LRIG2: variants seen among roughly 807,000 people sequenced by gnomAD.
LRIG2 encodes the protein leucine-rich repeats and immunoglobulin-like domains protein 2.
Under a neutral mutation model 107.8 loss-of-function variants are expected in LRIG2, and 93 were observed. The ratio of observed to expected loss-of-function variants is 0.86; its 90% CI spans 0.73 to 1.03. LRIG2 has a LOEUF of 1.03. LRIG2 is among the 50% of genes least tolerant of loss of function. The pLI is 0.00. For missense variants in LRIG2, 1,226 were observed against 1,296.0 expected (o/e 0.95, Z 0.83); for synonymous variants, 471 against 470.6 (o/e 1.00, Z -0.01).
intron 11 of LRIG2, among the ~76,000 whole-genome samples, chr1:113,105,548 ATGT>A (rs1434976023): frequency 6.6e-6 from 1 of 152,198 alleles, no homozygotes; most frequent in Non-Finnish European, 1.5e-5. Context: ...ATTTTAATAA[ATGT>A]TGACCTAAAA....
At chr1:113,093,877 T>C (rs1302466852) in intron 4 of LRIG2, among the ~76,000 whole-genome samples, 1 of 152,250 alleles carries the variant, frequency 6.6e-6, no homozygotes, top group Non-Finnish European at 1.5e-5. Flanking sequence ...TATATGCATA[T>C]GTGAGACAAA....
At position 113,124,293 on chromosome 1, in the gene LRIG2, A is replaced by G; in HGVS notation, c.*192A>G. ...GAAGAAATGGCAACAGCTGACAGAA[A>G]TGGGTACAGCTCATCAAAAATGTGC... On this transcript the variant is annotated 3_prime_UTR_variant, in exon 18 of 18. Transcript: ENST00000361127. 1.7e-6 allele frequency: 1 copy of G among 602,772 alleles called. No homozygotes were observed. The highest frequency in any genetic ancestry group is 2.9e-6 in the Non-Finnish European group (1 of 340,374). The allele number at this position is 602,772 out of a possible 1,614,324, so 37.3% of individuals were successfully genotyped here. A position where few individuals can be genotyped will look rare whatever the true frequency, so the allele number is the denominator to read the frequency against.
chr1:113,094,847 G>C, intron 6 of LRIG2, 92 bp downstream of exon 6: 1 of 1,244,254 alleles, frequency 8.0e-7, no homozygotes, highest in Non-Finnish European at 1.1e-6. Context: ...TCTGATTATA[G>C]AGATACATTC....
At position 113,123,517 on chromosome 1, in the gene LRIG2, T is replaced by C. The variant is rs142346195; in HGVS notation, c.2972-358T>C. On this transcript the variant is annotated intron_variant, in intron 17 of 17. Coordinates refer to ENST00000361127, the MANE Select transcript of LRIG2 (RefSeq NM_014813.3). Reference sequence around the variant, plus strand: ...TGAACCCGGGAGGCGGAGGTTGCGGTGAGCCGAGATGACGCCATTGCACTC... The same window carrying C: ...TGAACCCGGGAGGCGGAGGTTGCGGCGAGCCGAGATGACGCCATTGCACTC... Among the ~76,000 whole-genome samples the C allele has an allele frequency of 1.9e-3, 296 of 152,306 alleles. 8 individuals are homozygous for C. In the East Asian group the frequency reaches 0.049, roughly 25 times the overall value.
At chr1:113,098,991 C>T (rs536599706) in intron 9 of LRIG2, among the ~76,000 whole-genome samples, 4 of 152,002 alleles carry the variant, frequency 2.6e-5, no homozygotes, top group East Asian at 1.9e-4. Context: ...GATGCAGTGG[C>T]ACGATCTCGG....
rs893015707 is a variant in LRIG2, at chr1:113,129,401, C to G, written c.*5300C>G. 2 of 151,094 alleles carry G rather than the reference C, an allele frequency of 1.3e-5. No homozygotes were observed. The highest frequency in any genetic ancestry group is 2.9e-5 in the Non-Finnish European group (2 of 67,910). 9.4% of individuals were successfully genotyped at this position (151,094 alleles called of 1,614,324 possible). On this transcript the variant is annotated 3_prime_UTR_variant, in exon 18 of 18. Coordinates refer to ENST00000361127, the MANE Select transcript of LRIG2 (RefSeq NM_014813.3). ...GACAGTGCTGTCAGAGTCTGGTCTC[C>G]TAAAGAGCCAGGTCATTTTCCATTG...
intron 11 of LRIG2, among the ~76,000 whole-genome samples, chr1:113,105,822 A>G (rs1654515259): frequency 6.6e-6 from 1 of 152,200 alleles, no homozygotes; most frequent in Non-Finnish European, 1.5e-5. Flanking sequence ...TACTCAATGA[A>G]ACTTGTTAAA....
intron 17 of LRIG2, among the ~76,000 whole-genome samples, chr1:113,122,788 C>A (rs1021647189): frequency 6.6e-6 from 1 of 152,200 alleles, no homozygotes; most frequent in Non-Finnish European, 1.5e-5. Flanking sequence ...CAGAGCAGAT[C>A]TAGCAAATCA....
Position 113,130,624 on chromosome 1 carries a change from A to G in LRIG2, c.*6523A>G, listed in dbSNP as rs1321884973. 6.6e-6 allele frequency: 1 copy of G among 152,214 alleles called. No individual in the cohort carries two copies. The highest frequency in any genetic ancestry group is 1.5e-5 in the Non-Finnish European group (1 of 68,038). 9.4% of individuals were successfully genotyped at this position (152,214 alleles called of 1,614,324 possible). A position where few individuals can be genotyped will look rare whatever the true frequency, so the allele number is the denominator to read the frequency against. On this transcript the variant is annotated 3_prime_UTR_variant, in exon 18 of 18. Transcript: ENST00000361127. Reference sequence around the variant, plus strand: ...TAAGAGATTTCTTCATTGAGATGGAATATGGGCAAGATGACCTTTAAGGTC... The same window carrying G: ...TAAGAGATTTCTTCATTGAGATGGAGTATGGGCAAGATGACCTTTAAGGTC...
At chr1:113,091,271 T>G in intron 1 of LRIG2, 47 bp from the exon 2 acceptor site, 1 of 1,238,176 alleles carries the variant, frequency 8.1e-7, no homozygotes, top group Non-Finnish European at 1.1e-6. Context: ...TTTCTTTAGG[T>G]CTACTTTCCA....
chr1:113,107,506 G>A lies in LRIG2; in HGVS notation c.1314-88G>A, dbSNP rs1306861232. 34 of 1,204,092 alleles carry A rather than the reference G, an allele frequency of 2.8e-5. No individual in the cohort carries two copies. In the South Asian group the frequency reaches 5.0e-4, roughly 18 times the overall value. The allele number at this position is 1,204,092 out of a possible 1,614,324, so 74.6% of individuals were successfully genotyped here. On this transcript the variant is annotated intron_variant, in intron 11 of 17. Coordinates refer to ENST00000361127, the MANE Select transcript of LRIG2 (RefSeq NM_014813.3). ...GTTAAATGTTTTTGGCAAGAATAAT[G>A]GATAGGTGTGTGGTAAGGTTTTAAT...
chr1:113,117,517 T>G (rs1023715008), intron 16 of LRIG2, among the ~76,000 whole-genome samples: 1 of 152,218 alleles, frequency 6.6e-6, no homozygotes, highest in African/African-American at 2.4e-5. Context: ...AGCGTCTCAT[T>G]CTGTTACCCA....
intron 14 of LRIG2, 116 bp downstream of exon 14, chr1:113,112,876 T>C (rs1654834424): frequency 9.7e-7 from 1 of 1,026,488 alleles, no homozygotes; most frequent in Admixed American, 2.8e-5. Flanking sequence ...TAGATCTTTA[T>C]CTTATTTCAC....
At position 113,116,349 on chromosome 1, in the gene LRIG2, C is replaced by G. The variant is rs890424340; in HGVS notation, c.2593C>G (p.Pro865Ala). Reference sequence around the variant, plus strand: ...GTCTTCCCAAGGAACGCTGTCTGAGCCACAGGAAGGCTACAGCAACTCTGA... The same window carrying G: ...GTCTTCCCAAGGAACGCTGTCTGAGGCACAGGAAGGCTACAGCAACTCTGA... ...YLSSQGTLSE[P>A]QEGYSNSEAG... Residue 865 changes from proline to alanine, a missense_variant, in exon 16 of 18, where the codon CCA becomes GCA. By Grantham distance (27) the Pro-to-Ala change is conservative. Coordinates refer to ENST00000361127, the MANE Select transcript of LRIG2 (RefSeq NM_014813.3). The G allele has an allele frequency of 2.5e-6, 4 of 1,613,864 alleles. No homozygotes were observed. The highest frequency in any genetic ancestry group is 2.7e-5 in the African/African-American group (2 of 74,928).
Position 113,124,242 on chromosome 1 carries a change from A to G in LRIG2, c.*141A>G, listed in dbSNP as rs1029375931. 4.1e-6 allele frequency: 3 copies of G among 728,376 alleles called. No homozygotes were observed. Among genetic ancestry groups the G allele is most frequent in the Admixed American group, 5.1e-5 (2 of 39,356 alleles). The allele number at this position is 728,376 out of a possible 1,614,324, so 45.1% of individuals were successfully genotyped here. ...GCATCTGACCGCACCAAGGTGGGCC[A>G]TGCGTTGTTTGGTCTTATACCTGAT... On this transcript the variant is annotated 3_prime_UTR_variant, in exon 18 of 18. Transcript: ENST00000361127.
intron 11 of LRIG2, 123 bp from the exon 12 acceptor site, chr1:113,107,471 C>T (rs1037696702): frequency 6.8e-6 from 6 of 879,968 alleles, no homozygotes; most frequent in Non-Finnish European, 9.9e-6. Flanking sequence ...TTTGTTTTCT[C>T]ATGATTTATG....
rs2101077221 is a variant in LRIG2, at chr1:113,125,958, T to A, written c.*1857T>A. The A allele has an allele frequency of 6.6e-6, 1 of 152,324 alleles. No homozygotes were observed. Among genetic ancestry groups the A allele is most frequent in the African/African-American group, 2.4e-5 (1 of 41,568 alleles). The allele number at this position is 152,324 out of a possible 1,614,324, so 9.4% of individuals were successfully genotyped here. On this transcript the variant is annotated 3_prime_UTR_variant, in exon 18 of 18. Transcript: ENST00000361127. The stretch of plus-strand genomic sequence containing the variant: ...TTCTAAAGTGACTGTTGTTTGGTGT[T>A]GGAGATGTTAACTGGGTTCTATTAG...
rs202093071 is a variant in LRIG2 at position 113,114,748 on chromosome 1, A to G, written c.2402A>G (p.Asp801Gly). The stretch of plus-strand genomic sequence containing the variant: ...CAGAGTAGCATTGGGCATGAAGATG[A>G]TGGCTGGACCACAGTTGGCATTGTC... ...SSQSSIGHED[D>G]GWTTVGIVII... is the part of the protein sequence containing the mutation. Residue 801 changes from aspartate (D) to glycine (G), a missense_variant, in exon 15 of 18, where the codon GAT becomes GGT. Transcript: ENST00000361127. 2.5e-6 allele frequency: 4 copies of G among 1,614,082 alleles called. No individual in the cohort carries two copies. In the Admixed American group the frequency reaches 6.7e-5, roughly 27 times the overall value.
chr1:113,097,323 A>G (rs1452335780), intron 8 of LRIG2, among the ~76,000 whole-genome samples: 2 of 152,150 alleles, frequency 1.3e-5, no homozygotes, highest in South Asian at 2.1e-4. Flanking sequence ...AGCTTCCTGA[A>G]TAGAGGACTT....
Sources: allele counts gnomAD v4.1 joint callset (sites outside exome capture counted in the v4.1 genomes callset), GRCh38; gene constraint gnomAD v4.1.1; transcripts MANE v1.5; gene names NCBI Gene and HGNC (gene_info 2026-07-23, HGNC 2026-07-21).